Variants in UNC13C observed in about 807,000 individuals in gnomAD.
UNC13C encodes protein unc-13 homolog C.
Under a neutral mutation model 245.4 loss-of-function variants are expected in UNC13C, and 174 were observed. The ratio of observed to expected loss-of-function variants is 0.71; its 90% CI spans 0.63 to 0.80. The LOEUF (loss-of-function observed/expected upper bound fraction) is 0.80. Ranked by LOEUF, UNC13C falls within the 30% of genes least tolerant of loss-of-function variation. The pLI is 0.00. For synonymous variants in UNC13C, 992 were observed against 895.1 expected (o/e 1.11, Z -1.93); for missense variants, 2,829 against 2,602.9 (o/e 1.09, Z -1.89).
chr15:53,957,027 T>C, the UNC13C span, among the ~76,000 whole-genome samples: 65,643 of 151,934 alleles, frequency 0.43, 14,402 homozygotes, highest in East Asian at 0.61. Context: ...TATTTTTCAC[T>C]AAAACAAATG....
intron 4 of UNC13C, among the ~76,000 whole-genome samples, chr15:54,160,472 C>G (rs1372191373): frequency 1.3e-5 from 2 of 151,112 alleles, no homozygotes; most frequent in Non-Finnish European, 2.9e-5. Context: ...GTTGATCACT[C>G]CAGGATATCC....
chr15:54,574,232 A>G (rs1459276581), intron 30 of UNC13C, among the ~76,000 whole-genome samples: 2 of 152,170 alleles, frequency 1.3e-5, no homozygotes, highest in Non-Finnish European at 2.9e-5. Context: ...ATTTTAATAT[A>G]TGTTGGAATT....
chr15:54,134,907 A>G (rs1292137332), intron 2 of UNC13C, among the ~76,000 whole-genome samples: 1 of 152,062 alleles, frequency 6.6e-6, no homozygotes, highest in Non-Finnish European at 1.5e-5. Flanking sequence ...GCTTTACTTA[A>G]TGGCTGTACC....
chr15:54,208,902 G>A (rs1360560906), intron 4 of UNC13C, among the ~76,000 whole-genome samples: 1 of 152,062 alleles, frequency 6.6e-6, no homozygotes, highest in East Asian at 1.9e-4. Flanking sequence ...ACACAGGCAA[G>A]CCAAAATGAC....
intron 10 of UNC13C, among the ~76,000 whole-genome samples, chr15:54,283,742 G>A (rs1036593981): frequency 7.4e-5 from 11 of 149,452 alleles, no homozygotes; most frequent in African/African-American, 2.5e-4. Context: ...GTGTGTGTAT[G>A]TAATATTTAA....
chr15:54,265,967 A>G (rs1410486876), intron 10 of UNC13C, among the ~76,000 whole-genome samples: 1 of 152,040 alleles, frequency 6.6e-6, no homozygotes, highest in Non-Finnish European at 1.5e-5. Flanking sequence ...AACCTTGCAC[A>G]TTCCACGAGG....
chr15:54,053,850 G>A (rs1007722076), intron 2 of UNC13C, among the ~76,000 whole-genome samples: 16 of 152,002 alleles, frequency 1.1e-4, no homozygotes, highest in Non-Finnish European at 2.2e-4. Flanking sequence ...GCGTTCAATT[G>A]TTTGAATTTT....
chr15:54,517,466 C>G (rs1895030414), intron 24 of UNC13C, among the ~76,000 whole-genome samples: 1 of 152,054 alleles, frequency 6.6e-6, no homozygotes, highest in Non-Finnish European at 1.5e-5. Flanking sequence ...AAGGAGCTTA[C>G]AAGGTGTAAG....
chr15:53,875,955 A>C, the UNC13C span, among the ~76,000 whole-genome samples: 4 of 152,194 alleles, frequency 2.6e-5, no homozygotes, highest in East Asian at 7.7e-4. Context: ...ATGCCAATTC[A>C]TGTGCTATGT....
intron 4 of UNC13C, among the ~76,000 whole-genome samples, chr15:54,209,827 T>C (rs1228551321): frequency 6.6e-6 from 1 of 152,132 alleles, no homozygotes; most frequent in Admixed American, 6.6e-5. Flanking sequence ...TCCAACAAAC[T>C]AGTGCAACTT....
At chr15:53,976,213 G>A (rs1350066825), upstream of UNC13C, among the ~76,000 whole-genome samples, 2 of 152,090 alleles carry the variant, frequency 1.3e-5, no homozygotes, top group East Asian at 3.9e-4. Context: ...GCCACTTTCA[G>A]AGATGTAAAC....
In UNC13C at chr15:54,465,063, T is replaced by C. The variant is rs568275161; in HGVS notation, c.4934-29545T>C. On this transcript the variant is annotated intron_variant, in intron 19 of 32. Transcript: ENST00000260323. ...GATGGCAGCATTCAGTATCATATAA[T>C]TTCAATATATATTGAAGCTATTGTT... Among the ~76,000 whole-genome samples the C allele has an allele frequency of 1.5e-3, 224 of 152,166 alleles. 2 individuals are homozygous for C. The highest frequency in any genetic ancestry group is 4.7e-3 in the African/African-American group (197 of 41,570).
At chr15:54,363,970 G>T (rs377385650) in intron 17 of UNC13C, among the ~76,000 whole-genome samples, 1 of 152,212 alleles carries the variant, frequency 6.6e-6, no homozygotes, top group South Asian at 2.1e-4. Flanking sequence ...ATACATTTGC[G>T]TAAATGCAAA....
intron 8 of UNC13C, among the ~76,000 whole-genome samples, chr15:54,250,764 T>TCTTTCTTTC (rs2036129626): frequency 3.7e-5 from 5 of 133,888 alleles, no homozygotes; most frequent in East Asian, 2.1e-4. Context: ...TTTTTTTTTT[T>TCTTTCTTTC]TTTTTTTTTT....
At chr15:53,998,788 A>T (rs2140971133) in intron 1 of UNC13C, among the ~76,000 whole-genome samples, 1 of 152,238 alleles carries the variant, frequency 6.6e-6, no homozygotes, top group South Asian at 2.1e-4. Context: ...TATTTTGCTA[A>T]GAAATGTTTT....
intron 1 of UNC13C, among the ~76,000 whole-genome samples, chr15:54,010,132 G>A (rs1895317030): frequency 6.6e-6 from 1 of 152,000 alleles, no homozygotes; most frequent in African/African-American, 2.4e-5. Flanking sequence ...TAGGCTTACT[G>A]GAACCTATAT....
At chr15:54,348,656 A>G (rs1298869242) in intron 17 of UNC13C, among the ~76,000 whole-genome samples, 1 of 152,206 alleles carries the variant, frequency 6.6e-6, no homozygotes, top group Admixed American at 6.5e-5. Context: ...CAGAACGTCC[A>G]TGCTTGTTTT....
intron 10 of UNC13C, among the ~76,000 whole-genome samples, chr15:54,274,558 C>T (rs2036777710): frequency 6.6e-6 from 1 of 151,106 alleles, no homozygotes; most frequent in African/African-American, 2.4e-5. Context: ...ATGCCTGTAT[C>T]TTCTATTATC....
At chr15:54,388,238 A>T (rs1315903234) in intron 17 of UNC13C, among the ~76,000 whole-genome samples, 5 of 151,586 alleles carry the variant, frequency 3.3e-5, no homozygotes, top group African/African-American at 4.9e-5. Flanking sequence ...TTGTTCTAGC[A>T]CTTCAGTAAT....
Sources: gnomAD v4.1 joint callset for allele counts (sites outside exome capture counted in the v4.1 genomes callset) on GRCh38, gnomAD v4.1.1 for gene constraint, MANE v1.5 for transcripts, NCBI Gene and HGNC (gene_info 2026-07-23, HGNC 2026-07-21) for gene names.